AKAP19: variants seen among roughly 807,000 people sequenced by gnomAD.
AKAP19 encodes the protein small A-kinase anchoring protein.
the AKAP19 span, among the ~76,000 whole-genome samples, chr2:189,937,005 C>T: frequency 6.6e-6 from 1 of 152,012 alleles, no homozygotes; most frequent in African/African-American, 2.4e-5. Context: ...CATAATGGTG[C>T]ATGCCTGTAG....
At chr2:190,184,037 A>T in the AKAP19 span, among the ~76,000 whole-genome samples, 2 of 152,036 alleles carry the variant, frequency 1.3e-5, no homozygotes, top group African/African-American at 4.8e-5. Context: ...TCGGTGGTTG[A>T]GAAGTAGAAC....
chr2:190,072,269 T>G, the AKAP19 span, among the ~76,000 whole-genome samples: 15 of 151,962 alleles, frequency 9.9e-5, no homozygotes, highest in Non-Finnish European at 4.4e-5. Flanking sequence ...GGGAGGAAGC[T>G]AGGGGAAGGG....
At chr2:189,882,518 G>C in the AKAP19 span, among the ~76,000 whole-genome samples, 1 of 152,120 alleles carries the variant, frequency 6.6e-6, no homozygotes, top group African/African-American at 2.4e-5. Context: ...CAGGTTATAG[G>C]TAGACAAGAG....
At chr2:189,941,282 A>C in the AKAP19 span, among the ~76,000 whole-genome samples, 1 of 152,242 alleles carries the variant, frequency 6.6e-6, no homozygotes, top group Non-Finnish European at 1.5e-5. Flanking sequence ...AGCATTGAAA[A>C]GTATAAAATC....
chr2:190,130,416 C>T, the AKAP19 span, among the ~76,000 whole-genome samples: 2 of 152,128 alleles, frequency 1.3e-5, no homozygotes, highest in African/African-American at 4.8e-5. Flanking sequence ...TCAGGCCAGC[C>T]ATATTCAAAC....
the AKAP19 span, among the ~76,000 whole-genome samples, chr2:190,198,486 A>C: frequency 1.3e-5 from 2 of 151,970 alleles, no homozygotes; most frequent in Non-Finnish European, 2.9e-5. Context: ...ACAAAAACTT[A>C]GGTAGGCATG....
the AKAP19 span, among the ~76,000 whole-genome samples, chr2:190,175,010 T>TACATAGAGG: frequency 2.0e-5 from 3 of 151,980 alleles, no homozygotes; most frequent in Non-Finnish European, 4.4e-5. Context: ...TTACATGGAG[T>TACATAGAGG]ACATAGTTCC....
the AKAP19 span, among the ~76,000 whole-genome samples, chr2:190,038,931 C>G: frequency 1.4e-5 from 2 of 138,404 alleles, no homozygotes; most frequent in African/African-American, 5.9e-5. Flanking sequence ...TCTTCTTCTT[C>G]TTCTTCTTCT....
At chr2:190,009,185 G>A in the AKAP19 span, among the ~76,000 whole-genome samples, 1 of 151,910 alleles carries the variant, frequency 6.6e-6, no homozygotes, top group Non-Finnish European at 1.5e-5. Flanking sequence ...AACATGTAAG[G>A]CCTTGTAGAG....
the AKAP19 span, among the ~76,000 whole-genome samples, chr2:190,101,597 T>C: frequency 1.3e-5 from 2 of 151,908 alleles, no homozygotes; most frequent in Non-Finnish European, 2.9e-5. Context: ...GGTCATTACA[T>C]AATGATAAAG....
the AKAP19 span, among the ~76,000 whole-genome samples, chr2:189,914,799 C>T: frequency 6.6e-6 from 1 of 151,972 alleles, no homozygotes; most frequent in Non-Finnish European, 1.5e-5. Flanking sequence ...ATATTCCTGC[C>T]CCATTTTATA....
At chr2:190,029,710 A>G in the AKAP19 span, among the ~76,000 whole-genome samples, 1 of 152,216 alleles carries the variant, frequency 6.6e-6, no homozygotes, top group African/African-American at 2.4e-5. Flanking sequence ...TGTGTAAAAA[A>G]GTGAGCATGG....
chr2:189,984,173 C>T, the AKAP19 span, among the ~76,000 whole-genome samples: 2 of 152,068 alleles, frequency 1.3e-5, no homozygotes, highest in African/African-American at 4.8e-5. Flanking sequence ...ACCTGTCTGA[C>T]CAAAATTTAT....
the AKAP19 span, among the ~76,000 whole-genome samples, chr2:189,919,462 G>A: frequency 6.7e-6 from 1 of 149,990 alleles, no homozygotes; most frequent in Non-Finnish European, 1.5e-5. Flanking sequence ...TGTGCAGAAC[G>A]TGCAGGTTTG....
chr2:190,195,137 T>C, the AKAP19 span, among the ~76,000 whole-genome samples: 1 of 152,156 alleles, frequency 6.6e-6, no homozygotes, highest in African/African-American at 2.4e-5. Flanking sequence ...GCTGGGATTG[T>C]AGGCGTGACT....
chr2:190,159,090 A>G, the AKAP19 span, among the ~76,000 whole-genome samples: 2 of 152,322 alleles, frequency 1.3e-5, no homozygotes, highest in African/African-American at 4.8e-5. Flanking sequence ...GGCGTAGGGA[A>G]CTAGACAAGG....
chr2:190,169,513 C>T, the AKAP19 span, among the ~76,000 whole-genome samples: 1 of 152,168 alleles, frequency 6.6e-6, no homozygotes, highest in East Asian at 1.9e-4. Flanking sequence ...CTAACACTTG[C>T]TGTGATTTAT....
At chr2:190,164,196 A>G in the AKAP19 span, 2 of 152,248 alleles carry the variant, frequency 1.3e-5, no homozygotes, top group Non-Finnish European at 2.9e-5. Flanking sequence ...CTGCAATTCA[A>G]TAGGAAGAAA....
chr2:190,169,047 T>C, the AKAP19 span, among the ~76,000 whole-genome samples: 4 of 152,200 alleles, frequency 2.6e-5, no homozygotes, highest in African/African-American at 9.6e-5. Context: ...TAAACACATA[T>C]GCGAGATTGG....
Sources: allele counts gnomAD v4.1 joint callset (sites outside exome capture counted in the v4.1 genomes callset), GRCh38; gene constraint gnomAD v4.1.1; transcripts MANE v1.5; gene names NCBI Gene and HGNC (gene_info 2026-07-23, HGNC 2026-07-21).